PTAFR: variants seen among roughly 807,000 people sequenced by gnomAD.
PTAFR encodes the protein platelet-activating factor receptor.
A neutral mutation model predicts 14.7 loss-of-function variants in PTAFR; 8 were observed. That is an observed-to-expected ratio of 0.54 (90% CI 0.32 to 0.98). The LOEUF (loss-of-function observed/expected upper bound fraction) is 0.98, where lower values mean the gene tolerates loss of function less well. PTAFR is among the 50% of genes least tolerant of loss of function. PTAFR has a pLI of 0.04. For synonymous variants in PTAFR, 156 were observed against 176.5 expected, an observed-to-expected ratio of 0.88 and a Z score of 0.92; for missense variants, 337 against 451.2, an observed-to-expected ratio of 0.75 and a Z score of 2.29.
chr1:28,173,217 G>T (rs1646471071), intron 1 of PTAFR, among the ~76,000 whole-genome samples: 1 of 148,002 alleles, frequency 6.8e-6, no homozygotes, highest in South Asian at 2.2e-4. Flanking sequence ...GAGACCAGGA[G>T]TTCAAGGCTG....
chr1:28,150,062 G>A lies in PTAFR; in HGVS notation c.960C>T (p.Ala320=), dbSNP rs749089762. The A allele has an allele frequency of 6.2e-7, 1 of 1,614,206 alleles. No homozygotes were observed. Among genetic ancestry groups the A allele is most frequent in the East Asian group, 2.2e-5 (1 of 44,890 alleles). The change falls in exon 2 of 2, where the codon GCC becomes GCT. Residue 320 remains alanine, a synonymous_variant. Transcript: ENST00000373857. This position sits in a 1 kb window ranked among gnomAD's most constrained non-coding sequence, Gnocchi z 6.3. ...CCACTTCAGTGACCGTATCCGTGGT[G>A]GCCCGGGAGCATTTCCGGCTACTGC... The part of the protein sequence containing the change: ...SMRSSRKCSR[A]TTDTVTEVVV...
intron 1 of PTAFR, among the ~76,000 whole-genome samples, chr1:28,174,773 C>T (rs930094513): frequency 2.0e-5 from 3 of 152,198 alleles, no homozygotes; most frequent in African/African-American, 7.2e-5. Flanking sequence ...TTTCCTCATC[C>T]CTAAGGCGTT....
At chr1:28,160,728 C>G (rs2148996364) in intron 1 of PTAFR, among the ~76,000 whole-genome samples, 1 of 152,272 alleles carries the variant, frequency 6.6e-6, no homozygotes, top group East Asian at 1.9e-4. Flanking sequence ...GGAGCCCCAG[C>G]AAGAGTAGGC....
chr1:28,182,433 TG>T (rs1557697897), intron 1 of PTAFR, among the ~76,000 whole-genome samples: 1 of 151,406 alleles, frequency 6.6e-6, no homozygotes. Flanking sequence ...CCCAGCACTT[TG>T]GGAGGTCCAG....
In PTAFR at chr1:28,149,858, G is replaced by A. The variant is rs1290862786; in HGVS notation, c.*135C>T. ...TGGCTCTGCCATCATCCCTGCCCAG[G>A]TGAGGTAGCCTCCAAATCTAATGGC... On this transcript the variant is annotated 3_prime_UTR_variant, in exon 2 of 2. Transcript: ENST00000373857. The A allele has an allele frequency of 8.3e-7, 1 of 1,210,444 alleles. No homozygotes were observed. The highest frequency in any genetic ancestry group is 1.5e-5 in the African/African-American group (1 of 65,720). The allele number at this position is 1,210,444 out of a possible 1,614,324, so 75.0% of individuals were successfully genotyped here. A position where few individuals can be genotyped will look rare whatever the true frequency, so the allele number is the denominator to read the frequency against.
chr1:28,165,715 G>A (rs1457673622), intron 1 of PTAFR, among the ~76,000 whole-genome samples: 5 of 151,910 alleles, frequency 3.3e-5, no homozygotes, highest in African/African-American at 9.7e-5. Context: ...CCCAGGAGGC[G>A]GAGCTTACAG....
At chr1:28,169,815 C>T (rs1260703708) in intron 1 of PTAFR, among the ~76,000 whole-genome samples, 2 of 152,114 alleles carry the variant, frequency 1.3e-5, no homozygotes, top group Admixed American at 1.3e-4. Context: ...GCCTAGCCAA[C>T]ATGGTGAAAC....
In PTAFR at chr1:28,150,296, G is replaced by A; in HGVS notation, c.726C>T (p.Ile242=). The change falls in exon 2 of 2, where the codon ATC becomes ATT. Residue 242 remains isoleucine, a synonymous_variant. Transcript: ENST00000373857. The surrounding 1 kb of genome is among the most constrained non-coding windows in gnomAD (Gnocchi z 6.3). ...CCACGTGGTGGGGCACGAAGCAGAT[G>A]ATGAACACCGCCAAGACCGTGCACA... The part of the protein sequence containing the change: ...WMVCTVLAVF[I]ICFVPHHVVQ... 1.2e-6 allele frequency: 2 copies of A among 1,612,526 alleles called. No individual in the cohort carries two copies. The highest frequency in any genetic ancestry group is 1.7e-5 in the Admixed American group (1 of 59,978).
At chr1:28,190,131 C>T (rs1299767892) in intron 1 of PTAFR, among the ~76,000 whole-genome samples, 4 of 151,998 alleles carry the variant, frequency 2.6e-5, no homozygotes, top group African/African-American at 9.7e-5. Context: ...TGCCACCACG[C>T]CCGGCTAATT....
intron 1 of PTAFR, among the ~76,000 whole-genome samples, chr1:28,188,671 G>C (rs1345998239): frequency 6.6e-6 from 1 of 151,590 alleles, no homozygotes; most frequent in Non-Finnish European, 1.5e-5. Context: ...AGAGGTGGAG[G>C]AACCCGGGAG....
At position 28,150,352 on chromosome 1, in the gene PTAFR, C is replaced by T. The variant is rs761623362; in HGVS notation, c.670G>A (p.Ala224Thr). Residue 224 changes from alanine (A) to threonine (T), a missense_variant, in exon 2 of 2, where the codon GCT becomes ACT. Coordinates refer to ENST00000373857, the MANE Select transcript of PTAFR (RefSeq NM_000952.5). This position sits in a 1 kb window ranked among gnomAD's most constrained non-coding sequence, Gnocchi z 6.3. The stretch of plus-strand genomic sequence containing the variant: ...CACAGCGCCCGGCGCTTGACTTCAG[C>T]GTTGCGCTGCTGCTGCACCGGCTGC... ...LMQPVQQQRN[A>T]EVKRRALWMV... 28 of 1,613,902 alleles carry T rather than the reference C, an allele frequency of 1.7e-5. No individual in the cohort carries two copies. Among genetic ancestry groups the T allele is most frequent in the Non-Finnish European group, 2.2e-5 (26 of 1,179,952 alleles).
At chr1:28,182,919 G>T (rs1331329158) in intron 1 of PTAFR, among the ~76,000 whole-genome samples, 3 of 152,148 alleles carry the variant, frequency 2.0e-5, no homozygotes, top group African/African-American at 7.2e-5. Context: ...GACCTCAAGT[G>T]ATCCACCCAC....
At chr1:28,155,034 C>T (rs1334576469) in intron 1 of PTAFR, among the ~76,000 whole-genome samples, 1 of 152,100 alleles carries the variant, frequency 6.6e-6, no homozygotes, top group African/African-American at 2.4e-5. Context: ...CTTGCCCTGA[C>T]CTCCAGCTGC....
chr1:28,161,177 C>T (rs945824745), intron 1 of PTAFR, among the ~76,000 whole-genome samples: 3 of 152,164 alleles, frequency 2.0e-5, no homozygotes, highest in Non-Finnish European at 4.4e-5. Context: ...GCTCCACCCG[C>T]GGTCTGGTTA....
At chr1:28,192,636 G>GT (rs1320928549) in intron 1 of PTAFR, among the ~76,000 whole-genome samples, 3 of 151,332 alleles carry the variant, frequency 2.0e-5, no homozygotes, top group African/African-American at 7.3e-5. Flanking sequence ...GTAAATGCTG[G>GT]GTTTTTTTTT....
In PTAFR at chr1:28,164,308, C is replaced by G. The variant is rs544924826; in HGVS notation, c.-39+12284G>C. On this transcript the variant is annotated intron_variant, in intron 1 of 1. Transcript: ENST00000373857. The stretch of plus-strand genomic sequence containing the variant: ...ATATTTATAAGCTATAAATAAGATA[C>G]ATCCAAGTTCATCCACAGCTCCTGC... Among the ~76,000 whole-genome samples, 5 of 152,316 alleles carry G rather than the reference C, an allele frequency of 3.3e-5. No individual in the cohort carries two copies. In the South Asian group the frequency reaches 8.3e-4, roughly 25 times the overall value.
chr1:28,172,715 G>A (rs568550956), intron 1 of PTAFR, among the ~76,000 whole-genome samples: 6 of 152,272 alleles, frequency 3.9e-5, no homozygotes, highest in African/African-American at 1.4e-4. Flanking sequence ...AGAAGCAACC[G>A]GGGTTAGCCG....
upstream of PTAFR, among the ~76,000 whole-genome samples, chr1:28,178,094 C>T (rs1286568100): frequency 6.6e-6 from 1 of 151,978 alleles, no homozygotes; most frequent in Non-Finnish European, 1.5e-5. Flanking sequence ...ACTGAGGTCC[C>T]GACAGGACCA....
chr1:28,158,050 A>G (rs1363089653), intron 1 of PTAFR, among the ~76,000 whole-genome samples: 6 of 152,194 alleles, frequency 3.9e-5, no homozygotes, highest in Non-Finnish European at 8.8e-5. Context: ...CAGCTCCCGG[A>G]GCTGAGCAGT....
Sources: gnomAD v4.1 joint callset for allele counts (sites outside exome capture counted in the v4.1 genomes callset) on GRCh38, gnomAD v4.1.1 for gene constraint, Gnocchi (gnomAD v3.1) non-coding constraint, MANE v1.5 for transcripts, NCBI Gene and HGNC (gene_info 2026-07-23, HGNC 2026-07-21) for gene names.